TOGARAM1: variants seen among roughly 807,000 people sequenced by gnomAD.
TOGARAM1 encodes TOG array regulator of axonemal microtubules protein 1.
Under a neutral mutation model 166.6 loss-of-function variants are expected in TOGARAM1, and 100 were observed. The observed-to-expected ratio is 0.60, with a 90% CI of 0.51 to 0.71. The LOEUF is 0.71. Among genes scored for constraint, TOGARAM1 ranks in the 30% least tolerant of loss-of-function variants. TOGARAM1 has a pLI of 0.00. For missense variants in TOGARAM1, 2,029 were observed against 2,102.7 expected, an observed-to-expected ratio of 0.96 and a Z score of 0.69; for synonymous variants, 758 against 763.8, an observed-to-expected ratio of 0.99 and a Z score of 0.13.
chr14:44,962,333 G>T lies in TOGARAM1; in HGVS notation c.-89G>T. On this transcript the variant is annotated 5_prime_UTR_variant, in exon 1 of 20. Coordinates refer to ENST00000361462, the MANE Select transcript of TOGARAM1 (RefSeq NM_001308120.2). Reference sequence around the variant, plus strand: ...TCTTTTGCCTCTTCTGCAGCTTGGGGCTTGGAGAGGATCTGGAAGTCTGGG... The same window carrying T: ...TCTTTTGCCTCTTCTGCAGCTTGGGTCTTGGAGAGGATCTGGAAGTCTGGG... The T allele has an allele frequency of 7.0e-7, 1 of 1,437,340 alleles. No individual in the cohort carries two copies. Among genetic ancestry groups the T allele is most frequent in the Non-Finnish European group, 9.2e-7 (1 of 1,089,404 alleles). 89.0% of individuals were successfully genotyped at this position (1,437,340 alleles called of 1,614,324 possible). A position where few individuals can be genotyped will look rare whatever the true frequency, so the allele number is the denominator to read the frequency against.
intron 16 of TOGARAM1, among the ~76,000 whole-genome samples, chr14:45,055,154 C>T (rs1050698813): frequency 7.2e-5 from 11 of 152,166 alleles, no homozygotes; most frequent in African/African-American, 2.4e-4. Context: ...CAGAAGAGTA[C>T]TGCCTAGATT....
chr14:45,019,418 G>A (rs891682217), intron 7 of TOGARAM1, among the ~76,000 whole-genome samples: 3 of 151,772 alleles, frequency 2.0e-5, no homozygotes, highest in Non-Finnish European at 4.4e-5. Flanking sequence ...AACCTTGATT[G>A]ACACATAAAA....
At chr14:44,993,189 G>A (rs576634537) in intron 1 of TOGARAM1, among the ~76,000 whole-genome samples, 13 of 152,032 alleles carry the variant, frequency 8.6e-5, no homozygotes, top group Non-Finnish European at 1.6e-4. Flanking sequence ...TTGGGAGGCT[G>A]AGGTGGGAAA....
Position 45,044,707 on chromosome 14 carries a change from AAG to A in TOGARAM1, c.3994_3995del (p.Ser1332HisfsTer18), listed in dbSNP as rs1290915202. ...AAGTGATCTTTTCACTTATTTGAAA[AAG>A]AGCATGGATCAAGAGCTAGATACCA... ...CLSDLFTYLKKSMDQELDTTV... is the reference protein window; with the variant it reads ...CLSDLFTYLKXSMDQELDTTV... On this transcript the variant is annotated frameshift_variant, in exon 13 of 20. Coordinates refer to ENST00000361462, the MANE Select transcript of TOGARAM1 (RefSeq NM_001308120.2). LOFTEE classifies it high-confidence loss of function. The A allele has an allele frequency of 1.2e-6, 2 of 1,613,960 alleles. No homozygotes were observed. Among genetic ancestry groups the A allele is most frequent in the African/African-American group, 1.3e-5 (1 of 74,902 alleles).
intron 6 of TOGARAM1, among the ~76,000 whole-genome samples, chr14:45,011,372 G>A (rs964570364): frequency 6.6e-6 from 1 of 152,206 alleles, no homozygotes. Context: ...GAGTGTAGTA[G>A]TTCAATCTCA....
chr14:45,074,340 A>G lies in TOGARAM1; in HGVS notation c.*779A>G, dbSNP rs1883513411. 3 of 152,594 alleles carry G rather than the reference A, an allele frequency of 2.0e-5. No individual in the cohort carries two copies. In the South Asian group the frequency reaches 6.2e-4, roughly 32 times the overall value. 9.5% of individuals were successfully genotyped at this position (152,594 alleles called of 1,614,324 possible). A position where few individuals can be genotyped will look rare whatever the true frequency, so the allele number is the denominator to read the frequency against. On this transcript the variant is annotated 3_prime_UTR_variant, in exon 20 of 20. Transcript: ENST00000361462. ...TCTCAAAAATAGTGCCAGGTCTTCT[A>G]TAGCTTTTTTCAGAATTCATGGGCT...
chr14:44,979,689 C>T (rs1438750545), intron 1 of TOGARAM1, among the ~76,000 whole-genome samples: 1 of 152,176 alleles, frequency 6.6e-6, no homozygotes, highest in African/African-American at 2.4e-5. Flanking sequence ...CAAAATGACT[C>T]CAGAGTTGGT....
rs1451342535 is a variant in TOGARAM1 at position 45,006,110 on chromosome 14, TACC to T, written c.2749_2751del (p.Pro917del). 6.8e-6 allele frequency: 11 copies of T among 1,614,068 alleles called. No individual in the cohort carries two copies. The highest frequency in any genetic ancestry group is 8.5e-6 in the Non-Finnish European group (10 of 1,179,962). ...AATGGGACAAAGCCTGTTCCTCCCA[TACC>T]AAGGGGAATAAGCCTTTTGCCTGAT... On this transcript the variant is annotated inframe_deletion, in exon 5 of 20. Coordinates refer to ENST00000361462, the MANE Select transcript of TOGARAM1 (RefSeq NM_001308120.2).
intron 2 of TOGARAM1, among the ~76,000 whole-genome samples, chr14:44,998,329 T>C (rs537326996): frequency 6.6e-6 from 1 of 152,352 alleles, no homozygotes; most frequent in Non-Finnish European, 1.5e-5. Context: ...TTGGATGATA[T>C]GAATTACAAA....
In TOGARAM1 at chr14:45,032,340, T is replaced by C; in HGVS notation, c.3776T>C (p.Leu1259Pro). ...LRPFSKPEIA[L>P]TEALRLLADE... is the part of the protein sequence containing the mutation. ...CCATTCTCTAAACCAGAAATAGCAC[T>C]GACAGAAGCCCTGAGGCTTTTGGCT... is the stretch of plus-strand genomic sequence containing the variant. The change falls in exon 11 of 20, where the codon CTG becomes CCG. Residue 1259 changes from leucine (L) to proline (P), a missense_variant. Leu to Pro is a moderately conservative substitution (Grantham distance 98). Transcript: ENST00000361462. 2 of 1,614,074 alleles carry C rather than the reference T, an allele frequency of 1.2e-6. No individual in the cohort carries two copies. The highest frequency in any genetic ancestry group is 4.5e-5 in the East Asian group (2 of 44,870).
intron 2 of TOGARAM1, among the ~76,000 whole-genome samples, chr14:44,997,784 A>C (rs1887498781): frequency 6.6e-6 from 1 of 151,910 alleles, no homozygotes; most frequent in Admixed American, 6.6e-5. Flanking sequence ...TCTGGGCTAC[A>C]AGAGTGAGAC....
intron 7 of TOGARAM1, among the ~76,000 whole-genome samples, chr14:45,021,396 T>C (rs1455490318): frequency 6.6e-6 from 1 of 151,976 alleles, no homozygotes; most frequent in African/African-American, 2.4e-5. Context: ...TAGAAACTCT[T>C]GGTAACGGGA....
chr14:45,049,087 G>C (rs923352578), intron 14 of TOGARAM1, among the ~76,000 whole-genome samples: 1 of 88,400 alleles, frequency 1.1e-5, no homozygotes, highest in African/African-American at 4.4e-5. Flanking sequence ...AAAAAAAAAA[G>C]ACTGAGGTCT....
At position 44,962,699 on chromosome 14, in the gene TOGARAM1, A is replaced by T; in HGVS notation, c.278A>T (p.Asp93Val). The change falls in exon 1 of 20, where the codon GAT (aspartate) becomes GTT (valine). Residue 93 changes from aspartate (D) to valine (V), a missense_variant. Physicochemically the swap from Asp to Val is radical, Grantham distance 152 (BLOSUM62 -3). This residue lies in a region of TOGARAM1 where 1,453 missense variants were observed against 1,432.2 expected (regional missense o/e 1.01). Transcript: ENST00000361462. ...TCTGGAGGCGGTTTGTCAGGGGGAGATGAAGAGGACACTCGGCTCCTTCAA... is the reference window on the plus strand; with the variant it reads ...TCTGGAGGCGGTTTGTCAGGGGGAGTTGAAGAGGACACTCGGCTCCTTCAA... ...SESGGGLSGG[D>V]EEDTRLLQLL... is the part of the protein sequence containing the mutation. 6.2e-7 allele frequency: 1 copy of T among 1,613,954 alleles called. No individual in the cohort carries two copies. Among genetic ancestry groups the T allele is most frequent in the African/African-American group, 1.3e-5 (1 of 74,978 alleles).
At chr14:44,976,321 C>T (rs1362568693) in intron 1 of TOGARAM1, among the ~76,000 whole-genome samples, 3 of 152,202 alleles carry the variant, frequency 2.0e-5, no homozygotes, top group Admixed American at 6.5e-5. Context: ...CCTTCCATAT[C>T]CATCCTCTGA....
intron 3 of TOGARAM1, among the ~76,000 whole-genome samples, chr14:45,001,118 T>C (rs1887674611): frequency 6.6e-6 from 1 of 152,238 alleles, no homozygotes; most frequent in Admixed American, 6.5e-5. Context: ...CAAGCATTCC[T>C]TTTTGTTGCC....
At chr14:44,974,710 A>G (rs67643245) in intron 1 of TOGARAM1, among the ~76,000 whole-genome samples, 17,041 of 151,792 alleles carry the variant, frequency 0.11, 1,389 homozygotes, top group African/African-American at 0.23. Context: ...TTGGCATAAA[A>G]TATCTTAGCA....
intron 14 of TOGARAM1, among the ~76,000 whole-genome samples, chr14:45,049,057 C>CAAAAAAAAAAAA: frequency 2.1e-5 from 1 of 47,300 alleles, no homozygotes; most frequent in Admixed American, 4.1e-4. Context: ...ACAAACTTCT[C>CAAAAAAAAAAAA]AAAAAAAAAA....
intron 11 of TOGARAM1, among the ~76,000 whole-genome samples, chr14:45,036,195 A>G (rs1321013680): frequency 6.6e-6 from 1 of 151,582 alleles, no homozygotes; most frequent in Admixed American, 6.6e-5. Flanking sequence ...GTTTGATACA[A>G]AGGCCCAAAG....
Sources: gnomAD v4.1 joint callset for allele counts (sites outside exome capture counted in the v4.1 genomes callset) on GRCh38, gnomAD v4.1.1 for gene constraint, gnomAD v4.1.1 regional missense constraint, MANE v1.5 for transcripts, NCBI Gene and HGNC (gene_info 2026-07-23, HGNC 2026-07-21) for gene names.